Variants in STIL observed in about 807,000 individuals in gnomAD.
STIL encodes STIL centriolar assembly protein, also known as SCL-interrupting locus protein.
A neutral mutation model predicts 110.1 loss-of-function variants in STIL; 55 were observed. The ratio of observed to expected loss-of-function variants is 0.50; its 90% CI spans 0.40 to 0.63. The LOEUF (loss-of-function observed/expected upper bound fraction) is 0.63. Among genes scored for constraint, STIL ranks in the 20% least tolerant of loss-of-function variants. The pLI is 0.00. For missense variants in STIL, 1,358 were observed against 1,530.0 expected (o/e 0.89, Z 1.87); for synonymous variants, 481 against 530.0 (o/e 0.91, Z 1.27).
intron 15 of STIL, 78 bp downstream of exon 15, chr1:47,262,825 A>C (rs1644523681): frequency 7.3e-7 from 1 of 1,370,488 alleles, no homozygotes; most frequent in Non-Finnish European, 1.0e-6. Context: ...AATCAGTTTA[A>C]ACCTAGGAAA....
chr1:47,308,537 T>A (rs1040598975), intron 2 of STIL, among the ~76,000 whole-genome samples: 5 of 152,172 alleles, frequency 3.3e-5, no homozygotes, highest in African/African-American at 7.2e-5. Flanking sequence ...ACGTTTTCGC[T>A]TATTTGTGGG....
intron 1 of STIL, among the ~76,000 whole-genome samples, chr1:47,310,738 G>T (rs879521225): frequency 1.3e-5 from 2 of 152,126 alleles, no homozygotes; most frequent in Non-Finnish European, 2.9e-5. Flanking sequence ...AGAAAAAAAT[G>T]ATTTGGGCTA....
In STIL at chr1:47,289,548, A is replaced by G. The variant is rs1645414284; in HGVS notation, c.910T>C (p.Tyr304His). 7 of 1,613,694 alleles carry G rather than the reference A, an allele frequency of 4.3e-6. No homozygotes were observed. The highest frequency in any genetic ancestry group is 1.6e-4 in the Middle Eastern group (1 of 6,082). Residue 304 changes from tyrosine (Y) to histidine (H), a missense_variant, in exon 9 of 17, where the codon TAT becomes CAT. Tyr to His is a moderately conservative substitution (Grantham distance 83). Coordinates refer to ENST00000371877, the MANE Select transcript of STIL (RefSeq NM_001048166.1). Reference protein sequence around the residue: ...SESGNFIIVLYSMTHKEPEFY... With the variant: ...SESGNFIIVLHSMTHKEPEFY... ...TCAGGTTCCTTATGTGTCATAGAAT[A>G]GAGAACTATGATGAAATTTCCAGAT...
chr1:47,289,718 C>T (rs533140212), intron 8 of STIL, 133 bp from the exon 9 acceptor site: 2 of 829,652 alleles, frequency 2.4e-6, no homozygotes, highest in African/African-American at 1.7e-5. Flanking sequence ...AACTGGGGTC[C>T]ACCACTTAGG....
At chr1:47,266,649 T>C (rs1644662095) in intron 14 of STIL, among the ~76,000 whole-genome samples, 1 of 152,232 alleles carries the variant, frequency 6.6e-6, no homozygotes, top group Non-Finnish European at 1.5e-5. Context: ...TATACCTACA[T>C]TTTTCTTTTA....
chr1:47,297,864 T>C (rs1490748586), intron 6 of STIL, among the ~76,000 whole-genome samples: 1 of 152,124 alleles, frequency 6.6e-6, no homozygotes, highest in Non-Finnish European at 1.5e-5. Context: ...CGCCCAGCAG[T>C]CACAGATGGA....
rs970582629 is a variant in STIL, at chr1:47,280,743, T to C, written c.1715A>G (p.His572Arg). ...QSSLAPQSQP[H>R]DFVFSPHNSG... is the part of the protein sequence containing the mutation. Reference sequence around the variant, plus strand: ...ATTATGGGGTGAAAAAACAAAATCGTGTGGTTGGGACTGCGGGGCAAGAGA... The same window carrying C: ...ATTATGGGGTGAAAAAACAAAATCGCGTGGTTGGGACTGCGGGGCAAGAGA... Residue 572 changes from histidine to arginine, a missense_variant, in exon 12 of 17, where the codon CAC (histidine) becomes CGC (arginine). His to Arg is a conservative substitution (Grantham distance 29). Transcript: ENST00000371877. 5.6e-6 allele frequency: 9 copies of C among 1,613,838 alleles called. No homozygotes were observed. The highest frequency in any genetic ancestry group is 1.7e-5 in the Admixed American group (1 of 59,976).
intron 1 of STIL, chr1:47,312,972 A>G (rs1421262210): frequency 6.6e-6 from 1 of 152,200 alleles, no homozygotes; most frequent in Non-Finnish European, 1.5e-5. Flanking sequence ...AGTCCCCATA[A>G]TGCTGCTAGA....
At chr1:47,289,662 C>T (rs1462067398) in intron 8 of STIL, 77 bp from the exon 9 acceptor site, 3 of 1,361,082 alleles carry the variant, frequency 2.2e-6, no homozygotes, top group Admixed American at 3.5e-5. Context: ...TGTGAGTCTC[C>T]CAATCTAGTT....
At chr1:47,292,182 T>C (rs1645512484) in intron 8 of STIL, among the ~76,000 whole-genome samples, 1 of 152,050 alleles carries the variant, frequency 6.6e-6, no homozygotes, top group Non-Finnish European at 1.5e-5. Context: ...GGGACCTTTA[T>C]TTTGTTTACT....
intron 12 of STIL, among the ~76,000 whole-genome samples, chr1:47,275,425 G>A (rs991970395): frequency 2.0e-5 from 3 of 151,642 alleles, no homozygotes; most frequent in African/African-American, 7.3e-5. Context: ...TGGCTAACAT[G>A]GTAAAACCCC....
intron 16 of STIL, among the ~76,000 whole-genome samples, chr1:47,254,180 CAAAAAAAAAAAAAAAA>C (rs59259774): frequency 2.4e-4 from 15 of 61,410 alleles, no homozygotes; most frequent in Admixed American, 5.7e-4. Context: ...GACTCTGTCT[CAAAAAAAAAAAAAAAA>C]AAAAAAAAAA....
At chr1:47,307,844 G>A (rs953767273) in intron 2 of STIL, among the ~76,000 whole-genome samples, 3 of 152,170 alleles carry the variant, frequency 2.0e-5, no homozygotes, top group East Asian at 3.8e-4. Flanking sequence ...GCGCACCTAG[G>A]GGTAGGTCTC....
intron 14 of STIL, among the ~76,000 whole-genome samples, chr1:47,265,237 C>CAAAAAAAAAAAAAAAA (rs61666574): frequency 5.6e-4 from 29 of 51,648 alleles, no homozygotes; most frequent in East Asian, 9.3e-4. Flanking sequence ...CTCCATCTCC[C>CAAAAAAAAAAAAAAAA]AAAAAAAAAA....
intron 5 of STIL, 54 bp from the exon 6 acceptor site, chr1:47,300,206 G>C (rs559997838): frequency 6.5e-7 from 1 of 1,549,948 alleles, no homozygotes; most frequent in Non-Finnish European, 8.8e-7. Context: ...TGCCCATATC[G>C]CCAAAGTTTA....
intron 13 of STIL, among the ~76,000 whole-genome samples, chr1:47,270,708 C>T (rs1183144966): frequency 4.5e-5 from 5 of 111,994 alleles, no homozygotes; most frequent in African/African-American, 1.3e-4. Context: ...GACAGGGTGT[C>T]ACTTTGTTGC....
intron 1 of STIL, among the ~76,000 whole-genome samples, chr1:47,311,515 G>A (rs1646125211): frequency 6.6e-6 from 1 of 151,192 alleles, no homozygotes; most frequent in Admixed American, 6.6e-5. Flanking sequence ...TCGAACTCTT[G>A]GATTAAAGCA....
intron 7 of STIL, among the ~76,000 whole-genome samples, chr1:47,295,529 G>C (rs939658770): frequency 1.3e-5 from 2 of 151,804 alleles, no homozygotes; most frequent in Non-Finnish European, 2.9e-5. Flanking sequence ...GCAGTGAGCC[G>C]AGATCTCTCC....
intron 15 of STIL, among the ~76,000 whole-genome samples, chr1:47,262,428 T>A (rs1644512311): frequency 6.6e-6 from 1 of 152,230 alleles, no homozygotes; most frequent in Non-Finnish European, 1.5e-5. Flanking sequence ...CTAGTCTGCA[T>A]GTGCTGTTGT....
Sources: allele counts gnomAD v4.1 joint callset (sites outside exome capture counted in the v4.1 genomes callset), GRCh38; gene constraint gnomAD v4.1.1; transcripts MANE v1.5; gene names NCBI Gene and HGNC (gene_info 2026-07-23, HGNC 2026-07-21).